Variants in CDKL5 observed in about 807,000 individuals in gnomAD.
CDKL5 encodes the protein cyclin-dependent kinase-like 5.
In CDKL5, 8 loss-of-function variants were observed where a neutral mutation model predicts 61.7. That is an observed-to-expected ratio of 0.13 (90% CI 0.08 to 0.23). The LOEUF (loss-of-function observed/expected upper bound fraction) is 0.23. CDKL5 is among the 10% of genes least tolerant of loss of function. The pLI, the probability that CDKL5 is intolerant of heterozygous loss-of-function variation, is 1.00. For synonymous variants in CDKL5, 275 were observed against 272.3 expected (o/e 1.01, Z -0.10); for missense variants, 440 against 734.5 (o/e 0.60, Z 4.63).
Position 18,496,333 on chromosome X carries a change from G to A in CDKL5, c.-162-10602G>A, listed in dbSNP as rs1195832302. Among the ~76,000 whole-genome samples the A allele has an allele frequency of 6.2e-5, 7 of 112,029 alleles. No individual in the cohort carries two copies. In the Admixed American group the frequency reaches 6.7e-4, roughly 11 times the overall value. ...GGTGGATTAAAGGATTTTCTGATTC[G>A]CAGTTGGTTGAAAGAGTTAAGCTTT... On this transcript the variant is annotated intron_variant, in intron 1 of 17. Transcript: ENST00000623535.
intron 2 of CDKL5, among the ~76,000 whole-genome samples, chrX:18,507,716 A>G (rs1012871448): frequency 9.0e-6 from 1 of 111,090 alleles, no homozygotes; most frequent in African/African-American, 3.3e-5. Context: ...GGCGTGAGCC[A>G]CTGTGCCCAG....
chrX:18,470,982 C>T (rs984897246), intron 1 of CDKL5, among the ~76,000 whole-genome samples: 9 of 111,408 alleles, frequency 8.1e-5, no homozygotes, highest in Non-Finnish European at 1.3e-4. Context: ...CTGCATTTGT[C>T]GTCACCCTGT....
chrX:18,549,976 A>G (rs1019583416), intron 3 of CDKL5, among the ~76,000 whole-genome samples: 1 of 111,472 alleles, frequency 9.0e-6, no homozygotes, highest in African/African-American at 3.3e-5. Flanking sequence ...AGGAATCCCA[A>G]AGTTACTTCA....
chrX:18,560,078 G>A (rs1384424932), intron 3 of CDKL5, among the ~76,000 whole-genome samples: 1 of 109,895 alleles, frequency 9.1e-6, no homozygotes, highest in Admixed American at 9.8e-5. Flanking sequence ...ATTGTGAATA[G>A]TGCTGCAATA....
At chrX:18,478,286 CTTTTTTTT>C (rs199921816) in intron 1 of CDKL5, among the ~76,000 whole-genome samples, 1 of 64,920 alleles carries the variant, frequency 1.5e-5, no homozygotes, top group Non-Finnish European at 2.7e-5. Context: ...CTTTTCTTTC[CTTTTTTTT>C]TTTTTTTTTT....
Position 18,480,278 on chromosome X carries a change from C to T in CDKL5, c.-162-26657C>T, listed in dbSNP as rs1183874879. Among the ~76,000 whole-genome samples the T allele has an allele frequency of 2.7e-5, 3 of 111,529 alleles. No individual in the cohort carries two copies. The South Asian group carries it at 1.1e-3, about 42-fold the overall frequency. ...CTTAGGTGTTTTGTGGAGTATCCCT[C>T]AGTTGGGATTTGTCTGATGTTTTCC... is the stretch of plus-strand genomic sequence containing the variant. On this transcript the variant is annotated intron_variant, in intron 1 of 17. Transcript: ENST00000623535.
In CDKL5 at chrX:18,630,790, TCTTA is replaced by T; in HGVS notation, c.*2037_*2040del. The T allele has an allele frequency of 2.7e-6, 2 of 752,542 alleles. No individual in the cohort carries two copies. The highest frequency in any genetic ancestry group is 3.1e-6 in the Non-Finnish European group (2 of 638,967). 62.0% of individuals were successfully genotyped at this position (752,542 alleles called of 1,213,427 possible). On this transcript the variant is annotated 3_prime_UTR_variant, in exon 18 of 18. Coordinates refer to ENST00000623535, the MANE Select transcript of CDKL5 (RefSeq NM_001323289.2). ...TGCATGCTCTTTAGTTCTTTTTCTG[TCTTA>T]CTTCTTTCACCAGTTCAGTACTGTT...
In CDKL5 at chrX:18,631,378, A is replaced by G; in HGVS notation, c.*2621A>G. On this transcript the variant is annotated 3_prime_UTR_variant, in exon 18 of 18. Coordinates refer to ENST00000623535, the MANE Select transcript of CDKL5 (RefSeq NM_001323289.2). ...CTTTTCATCCAATAAGCTGTAAGTG[A>G]ACTACAATCTGCATTTCCAGCATGC... is the stretch of plus-strand genomic sequence containing the variant. 1.3e-6 allele frequency: 1 copy of G among 754,492 alleles called. No homozygotes were observed. The highest frequency in any genetic ancestry group is 1.6e-6 in the Non-Finnish European group (1 of 639,402). The allele number at this position is 754,492 out of a possible 1,213,427, so 62.2% of individuals were successfully genotyped here. A position where few individuals can be genotyped will look rare whatever the true frequency, so the allele number is the denominator to read the frequency against.
chrX:18,588,311 T>C (rs1925710277), intron 9 of CDKL5, 168 bp downstream of exon 9: 4 of 383,039 alleles, frequency 1.0e-5, no homozygotes, highest in East Asian at 8.6e-5. Context: ...TAATAGTACT[T>C]GTGGATTTAA....
chrX:18,605,333 T>C (rs1471973786), intron 12 of CDKL5, among the ~76,000 whole-genome samples: 1 of 112,470 alleles, frequency 8.9e-6, no homozygotes, highest in African/African-American at 3.2e-5. Context: ...TTTAAATTTG[T>C]CCAGAACTAC....
At chrX:18,626,804 A>G (rs1927077184) in intron 17 of CDKL5, 1 of 89,564 alleles carries the variant, frequency 1.1e-5, no homozygotes, top group South Asian at 6.6e-4. Flanking sequence ...GCTGGAGTGC[A>G]GTGGCAAGAT....
At chrX:18,603,372 T>G (rs148290098) in intron 11 of CDKL5, among the ~76,000 whole-genome samples, 1,995 of 112,308 alleles carry the variant, frequency 0.018, 48 homozygotes, top group African/African-American at 0.061. Context: ...GAATTCTCAT[T>G]CTTTGATTAT....
intron 8 of CDKL5, among the ~76,000 whole-genome samples, chrX:18,584,611 C>T (rs191937586): frequency 1.8e-5 from 2 of 111,596 alleles, no homozygotes; most frequent in East Asian, 5.6e-4. Context: ...GAGTCACTCA[C>T]GAAGTTATAG....
At chrX:18,483,024 A>G (rs1296097041) in intron 1 of CDKL5, among the ~76,000 whole-genome samples, 1 of 112,248 alleles carries the variant, frequency 8.9e-6, no homozygotes, top group African/African-American at 3.2e-5. Flanking sequence ...GGGCATTGAC[A>G]TAAATTACTG....
At chrX:18,611,835 C>T (rs1926563065) in intron 14 of CDKL5, among the ~76,000 whole-genome samples, 1 of 111,897 alleles carries the variant, frequency 8.9e-6, no homozygotes, top group Non-Finnish European at 1.9e-5. Flanking sequence ...CATCTGAAGA[C>T]ATCTGTCATT....
chrX:18,432,545 C>T (rs1047594073), intron 1 of CDKL5, among the ~76,000 whole-genome samples: 2 of 109,543 alleles, frequency 1.8e-5, no homozygotes, highest in Admixed American at 2.0e-4. Flanking sequence ...CCTGGCCAAC[C>T]TAGATCTTTT....
intron 1 of CDKL5, among the ~76,000 whole-genome samples, chrX:18,505,764 T>C (rs768598604): frequency 8.2e-4 from 92 of 112,506 alleles, no homozygotes; most frequent in African/African-American, 2.8e-3. Context: ...TAAGGTGGTG[T>C]CTGGCAGGAT....
At chrX:18,503,243 G>T (rs2147089082) in intron 1 of CDKL5, among the ~76,000 whole-genome samples, 1 of 112,492 alleles carries the variant, frequency 8.9e-6, no homozygotes, top group South Asian at 3.6e-4. Context: ...GAGTGCAATG[G>T]CACAATCTTG....
chrX:18,578,470 T>G (rs770096818), intron 5 of CDKL5, among the ~76,000 whole-genome samples: 5 of 112,163 alleles, frequency 4.5e-5, no homozygotes, highest in Non-Finnish European at 9.4e-5. Flanking sequence ...TTATGGCCCC[T>G]TCACACTCTG....
Sources: gnomAD v4.1 joint callset for allele counts (sites outside exome capture counted in the v4.1 genomes callset) on GRCh38, gnomAD v4.1.1 for gene constraint, MANE v1.5 for transcripts, NCBI Gene and HGNC (gene_info 2026-07-23, HGNC 2026-07-21) for gene names.